The following GSS variants were observed in gnomAD, a reference collection of about 807,000 sequenced individuals.
The protein encoded by GSS is glutathione synthetase.
In GSS, 34 loss-of-function variants were observed where a neutral mutation model predicts 60.4. The ratio of observed to expected loss-of-function variants is 0.56; its 90% CI spans 0.43 to 0.75. GSS has a LOEUF of 0.75. Ranked by LOEUF, GSS falls within the 30% of genes least tolerant of loss-of-function variation. The pLI, the probability that GSS is intolerant of heterozygous loss-of-function variation, is 0.00. For synonymous variants in GSS, 224 were observed against 239.0 expected, an observed-to-expected ratio of 0.94 and a Z score of 0.58; for missense variants, 499 against 595.1, an observed-to-expected ratio of 0.84 and a Z score of 1.68.
intron 3 of GSS, 25 bp downstream of exon 3, chr20:34,945,928 C>T (rs773690711): frequency 7.4e-6 from 12 of 1,613,006 alleles, no homozygotes; most frequent in East Asian, 2.2e-5. Flanking sequence ...AGCTCCTGGC[C>T]CCCCAATGCT....
chr20:34,946,384 T>C (rs1183873436), intron 2 of GSS, among the ~76,000 whole-genome samples: 3 of 152,236 alleles, frequency 2.0e-5, no homozygotes, highest in Non-Finnish European at 2.9e-5. Context: ...TGCAAGGTAC[T>C]ATTTTAAATA....
chr20:34,931,690 C>G, intron 10 of GSS: 1 of 621,832 alleles, frequency 1.6e-6, no homozygotes, highest in Non-Finnish European at 2.9e-6. Flanking sequence ...CTGCCTTAGT[C>G]CCTTCCCTCT....
intron 9 of GSS, 117 bp downstream of exon 9, chr20:34,935,459 G>T: frequency 1.3e-6 from 1 of 776,726 alleles, no homozygotes; most frequent in Non-Finnish European, 2.4e-6. Context: ...CAAGCTCCCT[G>T]AGAAAGAAGT....
intron 11 of GSS, among the ~76,000 whole-genome samples, chr20:34,930,572 C>T (rs1308044918): frequency 6.6e-6 from 1 of 152,186 alleles, no homozygotes; most frequent in East Asian, 1.9e-4. Flanking sequence ...CTTCCACGGT[C>T]TTTCTGCTTC....
intron 10 of GSS, 61 bp downstream of exon 10, chr20:34,931,878 T>G (rs2081403871): frequency 6.8e-7 from 1 of 1,464,780 alleles, no homozygotes; most frequent in African/African-American, 1.4e-5. Context: ...CCCAACACAT[T>G]GGGCTGTAGG....
chr20:34,931,820 A>G (rs2081403592), intron 10 of GSS, 119 bp downstream of exon 10: 1 of 922,264 alleles, frequency 1.1e-6, no homozygotes, highest in African/African-American at 1.6e-5. Flanking sequence ...AGCATCACCA[A>G]CCTTGCCAGC....
At chr20:34,948,601 T>C (rs1175192943) in intron 2 of GSS, among the ~76,000 whole-genome samples, 2 of 152,046 alleles carry the variant, frequency 1.3e-5, no homozygotes, top group Non-Finnish European at 2.9e-5. Flanking sequence ...CTGGCCAACA[T>C]GGTGAAACCC....
chr20:34,941,690 C>T (rs781571055), intron 6 of GSS, 23 bp downstream of exon 6: 77 of 1,282,990 alleles, frequency 6.0e-5, no homozygotes, highest in Non-Finnish European at 1.6e-5. Flanking sequence ...CAGGATCCTC[C>T]TGCTACCTTT....
At chr20:34,951,106 T>C (rs551506258) in intron 2 of GSS, among the ~76,000 whole-genome samples, 194 of 152,188 alleles carry the variant, frequency 1.3e-3, no homozygotes, top group Admixed American at 2.4e-3. Flanking sequence ...ATCACCTAAA[T>C]AGACATGAGT....
In GSS at chr20:34,928,889, T is replaced by G; in HGVS notation, c.1364A>C (p.Glu455Ala). 1 of 1,613,936 alleles carries G rather than the reference T, an allele frequency of 6.2e-7. No individual in the cohort carries two copies. The highest frequency in any genetic ancestry group is 8.5e-7 in the Non-Finnish European group (1 of 1,179,958). ...CGCTGCCACACCACCATCTGCATGC[T>G]CGATGGCTTTGGTTCGAAGTAGATG... ...VGHLLRTKAIEHADGGVAAGV... is the reference protein window; with the variant it reads ...VGHLLRTKAIAHADGGVAAGV... The change falls in exon 13 of 13, where the codon GAG becomes GCG. Residue 455 changes from glutamate (E) to alanine (A), a missense_variant. Coordinates refer to ENST00000651619, the MANE Select transcript of GSS (RefSeq NM_000178.4).
intron 4 of GSS, 69 bp downstream of exon 4, chr20:34,942,862 A>G: frequency 2.5e-6 from 3 of 1,218,882 alleles, no homozygotes; most frequent in Non-Finnish European, 3.6e-6. Flanking sequence ...AAATTCTTCA[A>G]GCAAAACAGA....
intron 2 of GSS, chr20:34,949,755 A>G (rs556641110): frequency 6.6e-6 from 1 of 152,264 alleles, no homozygotes; most frequent in South Asian, 2.1e-4. Context: ...AGTGATTCCA[A>G]AGTGTTTAGA....
chr20:34,933,425 AC>A (rs1372568534), intron 9 of GSS, among the ~76,000 whole-genome samples: 1 of 152,240 alleles, frequency 6.6e-6, no homozygotes, highest in African/African-American at 2.4e-5. Context: ...GTGGATGATC[AC>A]AGGATGAATG....
intron 11 of GSS, among the ~76,000 whole-genome samples, chr20:34,929,903 G>C (rs892032842): frequency 6.6e-6 from 1 of 152,124 alleles, no homozygotes; most frequent in Non-Finnish European, 1.5e-5. Context: ...CTCCACGCTT[G>C]CTCTCTCCCC....
intron 3 of GSS, 105 bp downstream of exon 3, chr20:34,945,848 C>A: frequency 8.0e-7 from 1 of 1,251,518 alleles, no homozygotes; most frequent in Non-Finnish European, 1.2e-6. Context: ...TACCTTTCCT[C>A]TATCCCACCA....
At chr20:34,947,991 A>AGT (rs1332938081) in intron 2 of GSS, among the ~76,000 whole-genome samples, 4 of 138,736 alleles carry the variant, frequency 2.9e-5, no homozygotes, top group Non-Finnish European at 6.1e-5. Flanking sequence ...TATGTTGCCC[A>AGT]GACTGGAATA....
At position 34,942,582 on chromosome 20, in the gene GSS, T is replaced by C; in HGVS notation, c.397A>G (p.Ser133Gly). ...LNRSDYMFQR[S>G]ADGSPALKQI... ...TTCAGGGCTGGGGAGCCATCTGCGCTGCGCTGGAACATGTAGTCTGAGCGA... is the reference window on the plus strand; with the variant it reads ...TTCAGGGCTGGGGAGCCATCTGCGCCGCGCTGGAACATGTAGTCTGAGCGA... Residue 133 changes from serine (S) to glycine (G), a missense_variant, in exon 5 of 13, where the codon AGC (serine) becomes GGC (glycine). By Grantham distance (56) the Ser-to-Gly change is moderately conservative (BLOSUM62 0). Coordinates refer to ENST00000651619, the MANE Select transcript of GSS (RefSeq NM_000178.4). 6.2e-7 allele frequency: 1 copy of C among 1,613,986 alleles called. No individual in the cohort carries two copies. The highest frequency in any genetic ancestry group is 8.5e-7 in the Non-Finnish European group (1 of 1,179,874).
chr20:34,937,081 C>A (rs1463572196), intron 6 of GSS, 58 bp from the exon 7 acceptor site: 1 of 1,261,430 alleles, frequency 7.9e-7, no homozygotes, highest in Non-Finnish European at 1.2e-6. Flanking sequence ...TCTTTTGTTT[C>A]TCCCCTCAAC....
intron 11 of GSS, among the ~76,000 whole-genome samples, chr20:34,930,894 G>C (rs2081395918): frequency 6.6e-6 from 1 of 152,012 alleles, no homozygotes; most frequent in African/African-American, 2.4e-5. Flanking sequence ...CTTGGCTTGA[G>C]GTTGTCCCTT....
Sources: allele counts gnomAD v4.1 joint callset (sites outside exome capture counted in the v4.1 genomes callset), GRCh38; gene constraint gnomAD v4.1.1; transcripts MANE v1.5; gene names NCBI Gene and HGNC (gene_info 2026-07-23, HGNC 2026-07-21).